The following SLAIN1 variants were observed in gnomAD, a reference collection of about 807,000 sequenced individuals.
The protein encoded by SLAIN1 is SLAIN family member 1.
A neutral mutation model predicts 55.4 loss-of-function variants in SLAIN1; 17 were observed. That is an observed-to-expected ratio of 0.31 (90% CI 0.21 to 0.46). SLAIN1 has a LOEUF of 0.46. Among genes scored for constraint, SLAIN1 ranks in the 20% least tolerant of loss-of-function variants. SLAIN1 has a pLI of 1.00. For missense variants in SLAIN1, 682 were observed against 785.1 expected (o/e 0.87, Z 1.57); for synonymous variants, 348 against 337.4 (o/e 1.03, Z -0.35).
At chr13:77,730,423 A>ACT (rs1872798327) in intron 2 of SLAIN1, among the ~76,000 whole-genome samples, 1 of 152,146 alleles carries the variant, frequency 6.6e-6, no homozygotes, top group Non-Finnish European at 1.5e-5. Flanking sequence ...AGTCTTAGAT[A>ACT]AACTTGGGAA....
intron 1 of SLAIN1, among the ~76,000 whole-genome samples, chr13:77,717,461 GTTTTTTA>G (rs1566225693): frequency 6.6e-6 from 1 of 152,056 alleles, no homozygotes; most frequent in Non-Finnish European, 1.5e-5. Context: ...TTTGTGGGTA[GTTTTTTA>G]TTTTTTATTT....
Position 77,752,919 on chromosome 13 carries a change from C to T in SLAIN1, c.1259-284C>T, listed in dbSNP as rs370776662. ...AGTCCACTGACTCAAATGTTAATCT[C>T]CTTTGGCAACACCCTCACAGACACA... is the stretch of plus-strand genomic sequence containing the variant. On this transcript the variant is annotated intron_variant, in intron 4 of 6. Transcript: ENST00000418532. Among the ~76,000 whole-genome samples, 18 of 152,302 alleles carry T rather than the reference C, an allele frequency of 1.2e-4. No homozygotes were observed. The East Asian group carries it at 3.5e-3, about 29-fold the overall frequency.
intron 1 of SLAIN1, among the ~76,000 whole-genome samples, chr13:77,706,243 T>G (rs966179704): frequency 6.6e-6 from 1 of 152,156 alleles, no homozygotes; most frequent in Admixed American, 6.5e-5. Flanking sequence ...CTCTTTTCCC[T>G]TCTCATAATG....
In SLAIN1 at chr13:77,703,835, T is replaced by C. The variant is rs2091054963; in HGVS notation, c.626+5296T>C. 2.0e-5 allele frequency among the ~76,000 whole-genome samples: 3 copies of C among 150,366 alleles called. No individual in the cohort carries two copies. In the Admixed American group the frequency reaches 2.0e-4, roughly 10 times the overall value. On this transcript the variant is annotated intron_variant, in intron 1 of 6. Coordinates refer to ENST00000418532, the MANE Select transcript of SLAIN1 (RefSeq NM_001242868.2). ...AGAGATTGAAGGCTCTTAAAATTAT[T>C]TGTCTGAAAATTACCACATATTACT...
At chr13:77,743,670 A>T (rs533586068) in intron 2 of SLAIN1, among the ~76,000 whole-genome samples, 22 of 151,804 alleles carry the variant, frequency 1.4e-4, no homozygotes, top group African/African-American at 5.3e-4. Flanking sequence ...TTTTATCTGA[A>T]GCCATTGATT....
In SLAIN1 at chr13:77,746,782, TA is replaced by T; in HGVS notation, c.1187del (p.Asn396IlefsTer34). On this transcript the variant is annotated frameshift_variant, in exon 4 of 7. Coordinates refer to ENST00000418532, the MANE Select transcript of SLAIN1 (RefSeq NM_001242868.2). LOFTEE classifies it high-confidence loss of function. Reference sequence around the variant, plus strand: ...CCAGTTCCCAGTATTTTCCTTCAAATAATTACCAGCAGCAACAGTATTATTC... The same window carrying T: ...CCAGTTCCCAGTATTTTCCTTCAAATATTACCAGCAGCAACAGTATTATTC... ...SPSSQYFPSN[N>X]YQQQQYYSPQ... The T allele has an allele frequency of 6.2e-7, 1 of 1,613,840 alleles. No individual in the cohort carries two copies.
Position 77,761,013 on chromosome 13 carries a change from G to A in SLAIN1, c.1600G>A (p.Ala534Thr), listed in dbSNP as rs1364425755. ...TGIPTPNKAA[A>T]SGIMGRSALP... ...AATCCCCACACCGAACAAAGCTGCA[G>A]CTTCTGGGATAATGGGTCGCAGTGC... The change falls in exon 6 of 7, where the codon GCT (alanine) becomes ACT (threonine). Residue 534 changes from alanine to threonine, a missense_variant. Ala to Thr is a moderately conservative substitution (Grantham distance 58). Coordinates refer to ENST00000418532, the MANE Select transcript of SLAIN1 (RefSeq NM_001242868.2). 1.4e-5 allele frequency: 22 copies of A among 1,614,072 alleles called. No individual in the cohort carries two copies. The highest frequency in any genetic ancestry group is 1.7e-5 in the Non-Finnish European group (20 of 1,180,040).
chr13:77,723,672 A>T (rs956230247), intron 2 of SLAIN1, among the ~76,000 whole-genome samples: 6 of 152,158 alleles, frequency 3.9e-5, no homozygotes, highest in Non-Finnish European at 5.9e-5. Context: ...TTCTACCTAA[A>T]ATAACATGAA....
intron 5 of SLAIN1, among the ~76,000 whole-genome samples, chr13:77,755,073 G>T (rs892246547): frequency 2.0e-5 from 3 of 152,074 alleles, no homozygotes; most frequent in African/African-American, 7.2e-5. Context: ...AAATTTAGCT[G>T]ATAGAAATAT....
At chr13:77,709,163 C>A (rs193292521) in intron 1 of SLAIN1, among the ~76,000 whole-genome samples, 64 of 151,664 alleles carry the variant, frequency 4.2e-4, no homozygotes, top group African/African-American at 1.5e-3. Flanking sequence ...GAAGGTATAT[C>A]AGAGATTGAA....
At chr13:77,713,911 C>T (rs913893016) in intron 1 of SLAIN1, among the ~76,000 whole-genome samples, 5 of 151,946 alleles carry the variant, frequency 3.3e-5, no homozygotes, top group Admixed American at 3.3e-4. Flanking sequence ...TCTCAGCAAA[C>T]TAACACAGGA....
intron 3 of SLAIN1, among the ~76,000 whole-genome samples, chr13:77,744,913 A>C (rs1166636730): frequency 6.6e-6 from 1 of 152,116 alleles, no homozygotes. Context: ...AAGAGGAACA[A>C]ACTACTGATA....
intron 4 of SLAIN1, among the ~76,000 whole-genome samples, chr13:77,751,600 G>T (rs1050484986): frequency 6.6e-6 from 1 of 152,182 alleles, no homozygotes; most frequent in African/African-American, 2.4e-5. Context: ...CCACATGGAG[G>T]GACCAGCCTG....
chr13:77,753,379 T>G, intron 5 of SLAIN1, 21 bp downstream of exon 5: 1 of 1,236,860 alleles, frequency 8.1e-7, no homozygotes, highest in South Asian at 2.1e-5. Flanking sequence ...TTATTTGATA[T>G]AATTATATAT....
At chr13:77,701,049 T>G (rs1032772882) in intron 1 of SLAIN1, among the ~76,000 whole-genome samples, 1 of 152,170 alleles carries the variant, frequency 6.6e-6, no homozygotes, top group African/African-American at 2.4e-5. Context: ...GAACATACAT[T>G]GGACATTTGT....
intron 5 of SLAIN1, among the ~76,000 whole-genome samples, chr13:77,754,180 G>A (rs914592674): frequency 3.3e-5 from 5 of 152,132 alleles, no homozygotes; most frequent in African/African-American, 4.8e-5. Flanking sequence ...GTCGTCAACC[G>A]GATGTTTTAA....
intron 1 of SLAIN1, among the ~76,000 whole-genome samples, chr13:77,703,831 T>A (rs1594247862): frequency 6.7e-6 from 1 of 150,124 alleles, no homozygotes; most frequent in African/African-American, 2.4e-5. Flanking sequence ...GCTCTTAAAA[T>A]TATTTGTCTG....
At position 77,698,863 on chromosome 13, in the gene SLAIN1, C is replaced by T. The variant is rs1327758814; in HGVS notation, c.626+324C>T. On this transcript the variant is annotated intron_variant, in intron 1 of 6. Transcript: ENST00000418532. The surrounding 1 kb of genome is among the most constrained non-coding windows in gnomAD (Gnocchi z 4.1). ...TTAGCATTAAGTGCAAAATCCATGT[C>T]ATCTTGTCTTTTTGCTCAGTGCTGC... 6.6e-7 allele frequency: 1 copy of T among 1,510,740 alleles called. No individual in the cohort carries two copies. Among genetic ancestry groups the T allele is most frequent in the Non-Finnish European group, 8.8e-7 (1 of 1,130,340 alleles). The allele number at this position is 1,510,740 out of a possible 1,614,324, so 93.6% of individuals were successfully genotyped here.
At chr13:77,736,367 C>T (rs913870136) in intron 2 of SLAIN1, among the ~76,000 whole-genome samples, 1 of 152,030 alleles carries the variant, frequency 6.6e-6, no homozygotes, top group African/African-American at 2.4e-5. Flanking sequence ...AGGCTGTTCC[C>T]CCTAGCTAAT....
Sources: gnomAD v4.1 joint callset for allele counts (sites outside exome capture counted in the v4.1 genomes callset) on GRCh38, gnomAD v4.1.1 for gene constraint, Gnocchi (gnomAD v3.1) non-coding constraint, MANE v1.5 for transcripts, NCBI Gene and HGNC (gene_info 2026-07-23, HGNC 2026-07-21) for gene names.